Variants in TGFBR3L observed in about 807,000 individuals in gnomAD.
The protein encoded by TGFBR3L is transforming growth factor beta receptor 3 like.
A neutral mutation model predicts 20.4 loss-of-function variants in TGFBR3L; 21 were observed. The ratio of observed to expected loss-of-function variants is 1.03; its 90% CI spans 0.73 to 1.48. TGFBR3L has a LOEUF of 1.48. Among genes scored for constraint, TGFBR3L ranks in the 40% most tolerant of loss-of-function variants. The pLI, the probability that TGFBR3L is intolerant of heterozygous loss-of-function variation, is 0.00. For missense variants in TGFBR3L, 479 were observed against 498.0 expected (o/e 0.96, Z 0.36); for synonymous variants, 245 against 244.2 (o/e 1.00, Z -0.03).
rs1157800969 is a variant in TGFBR3L, at chr19:7,916,133, G to C, written c.-135G>C. 3.5e-6 allele frequency: 5 copies of C among 1,430,414 alleles called. No individual in the cohort carries two copies. The African/African-American group carries it at 7.2e-5, about 21-fold the overall frequency. The allele number at this position is 1,430,414 out of a possible 1,614,324, so 88.6% of individuals were successfully genotyped here. A position where few individuals can be genotyped will look rare whatever the true frequency, so the allele number is the denominator to read the frequency against. ...CTCACCGCTTCTCTTCCGCCCCAGGGAGGGCTTCGCCAGCTTCGGAGGCTT... is the reference window on the plus strand; with the variant it reads ...CTCACCGCTTCTCTTCCGCCCCAGGCAGGGCTTCGCCAGCTTCGGAGGCTT... On this transcript the variant is annotated 5_prime_UTR_variant, in exon 1 of 6. Transcript: ENST00000565886.
At chr19:7,918,166 A>C in intron 5 of TGFBR3L, 37 bp downstream of exon 6, 1 of 1,525,078 alleles carries the variant, frequency 6.6e-7, no homozygotes, top group Non-Finnish European at 8.8e-7. Context: ...GTGAGGTAGG[A>C]GATCTGACAG....
chr19:7,917,504 C>G lies in TGFBR3L; in HGVS notation c.629C>G (p.Thr210Ser). 1.3e-6 allele frequency: 2 copies of G among 1,526,240 alleles called. No individual in the cohort carries two copies. Among genetic ancestry groups the G allele is most frequent in the South Asian group, 2.4e-5 (2 of 83,294 alleles). The allele number at this position is 1,526,240 out of a possible 1,614,324, so 94.5% of individuals were successfully genotyped here. A position where few individuals can be genotyped will look rare whatever the true frequency, so the allele number is the denominator to read the frequency against. ...CCTCAGGACGAGGCGTGCGCCGACA[C>G]TGGCAGTGGCAGCGCCGAGGGCCTG... is the stretch of plus-strand genomic sequence containing the variant. The change falls in exon 3 of 6, where the codon ACT becomes AGT. Residue 210 changes from threonine to serine, a missense_variant. By Grantham distance (58) the Thr-to-Ser change is moderately conservative. Coordinates refer to ENST00000565886, the MANE Select transcript of TGFBR3L (RefSeq NM_001195259.2).
rs1983234294 is a variant in TGFBR3L, at chr19:7,915,363, C to T, written c.-905C>T. Among the ~76,000 whole-genome samples, 1 of 152,164 alleles carries T rather than the reference C, an allele frequency of 6.6e-6. No individual in the cohort carries two copies. Among genetic ancestry groups the T allele is most frequent in the Admixed American group, 6.5e-5 (1 of 15,282 alleles). On this transcript the variant is annotated 5_prime_UTR_variant, in exon 1 of 6. Transcript: ENST00000565886. ...GGGAGTGGGGTGGGGTCTCTGTCCC[C>T]CATCCCAAGGGTGGCTCACATCCCC...
At position 7,914,865 on chromosome 19, in the gene TGFBR3L, C is replaced by T. The variant is rs1473944463; in HGVS notation, c.-1403C>T. Among the ~76,000 whole-genome samples, 2 of 152,214 alleles carry T rather than the reference C, an allele frequency of 1.3e-5. No homozygotes were observed. Among genetic ancestry groups the T allele is most frequent in the Non-Finnish European group, 2.9e-5 (2 of 68,034 alleles). On this transcript the variant is annotated 5_prime_UTR_variant, in exon 1 of 6. Coordinates refer to ENST00000565886, the MANE Select transcript of TGFBR3L (RefSeq NM_001195259.2). ...ACCTCAGCTGGTCCAGCATGCTGGG[C>T]ACCGTGCTGCTGCTGGCCCTGCTCC...
rs1401491950 is a variant in TGFBR3L at position 7,916,152 on chromosome 19, G to A, written c.-116G>A. 1 of 1,437,326 alleles carries A rather than the reference G, an allele frequency of 7.0e-7. No homozygotes were observed. The highest frequency in any genetic ancestry group is 1.4e-5 in the African/African-American group (1 of 69,478). 89.0% of individuals were successfully genotyped at this position (1,437,326 alleles called of 1,614,324 possible). A position where few individuals can be genotyped will look rare whatever the true frequency, so the allele number is the denominator to read the frequency against. On this transcript the variant is annotated 5_prime_UTR_variant, in exon 1 of 6. Transcript: ENST00000565886. ...CCCAGGGAGGGCTTCGCCAGCTTCG[G>A]AGGCTTCTCTAGGGGCGCATGGCTC...
Position 7,916,857 on chromosome 19 carries a change from GC to G in TGFBR3L, c.514del (p.Gln172SerfsTer2). The stretch of plus-strand genomic sequence containing the variant: ...AACGCCTCGGTGCAGTTCCTGCACT[GC>G]CAGCTGAGCCGCTGCCGCCGCCTCC... On this transcript the variant is annotated frameshift_variant, in exon 2 of 6. Transcript: ENST00000565886. LOFTEE classifies it high-confidence loss of function. The G allele has an allele frequency of 7.2e-7, 1 of 1,396,984 alleles. No homozygotes were observed. Among genetic ancestry groups the G allele is most frequent in the Non-Finnish European group, 9.3e-7 (1 of 1,074,900 alleles). The allele number at this position is 1,396,984 out of a possible 1,614,324, so 86.5% of individuals were successfully genotyped here.
In TGFBR3L at chr19:7,916,401, C is replaced by T; in HGVS notation, c.134C>T (p.Pro45Leu). ...TCCTTTGGGCCGCCCTTCCCCGCCC[C>T]GCCAGCTCCCCCGTTCCCCGCGGCG... is the stretch of plus-strand genomic sequence containing the variant. The change falls in exon 1 of 6, where the codon CCG becomes CTG. Residue 45 changes from proline (P) to leucine (L), a missense_variant. Physicochemically the swap from Pro to Leu is moderately conservative, Grantham distance 98. Coordinates refer to ENST00000565886, the MANE Select transcript of TGFBR3L (RefSeq NM_001195259.2). 1 of 1,535,222 alleles carries T rather than the reference C, an allele frequency of 6.5e-7. No individual in the cohort carries two copies. Among genetic ancestry groups the T allele is most frequent in the South Asian group, 1.2e-5 (1 of 84,024 alleles).
Position 7,918,084 on chromosome 19 carries a change from G to C in TGFBR3L, c.911G>C (p.Arg304Thr). 1.3e-6 allele frequency: 2 copies of C among 1,535,814 alleles called. No individual in the cohort carries two copies. Among genetic ancestry groups the C allele is most frequent in the African/African-American group, 1.4e-5 (1 of 73,174 alleles). Residue 304 changes from arginine to threonine, a missense_variant, in exon 5 of 6, where the codon AGA (arginine) becomes ACA (threonine). Transcript: ENST00000565886. ...CCCCACGCCCCTGGCCCGCCCGCGA[G>C]AGCCTCGCCCAGCGGTCCCCAGCCC...
chr19:7,917,014 T>G, intron 2 of TGFBR3L, 72 bp downstream of exon 3: 1 of 1,245,986 alleles, frequency 8.0e-7, no homozygotes, highest in Non-Finnish European at 1.0e-6. Context: ...ACTCTGGCAG[T>G]GGAAAGAGGA....
Position 7,917,691 on chromosome 19 carries a change from C to T in TGFBR3L, c.725-10C>T. The T allele has an allele frequency of 4.2e-6, 6 of 1,422,444 alleles. No individual in the cohort carries two copies. Among genetic ancestry groups the T allele is most frequent in the Non-Finnish European group, 5.5e-6 (6 of 1,094,214 alleles). The allele number at this position is 1,422,444 out of a possible 1,614,324, so 88.1% of individuals were successfully genotyped here. On this transcript the variant is annotated splice_polypyrimidine_tract_variant and intron_variant, in intron 3 of 5. Transcript: ENST00000565886. ...AGCTGGACCCAGTCTCAGCGTGGCACTTCCCACAGGGCCGCCCAAGAGTGT... is the reference window on the plus strand; with the variant it reads ...AGCTGGACCCAGTCTCAGCGTGGCATTTCCCACAGGGCCGCCCAAGAGTGT...
Position 7,916,068 on chromosome 19 carries a change from G to A in TGFBR3L, c.-200G>A. 5 of 1,058,496 alleles carry A rather than the reference G, an allele frequency of 4.7e-6. No homozygotes were observed. The highest frequency in any genetic ancestry group is 6.6e-6 in the Non-Finnish European group (5 of 760,140). 65.6% of individuals were successfully genotyped at this position (1,058,496 alleles called of 1,614,324 possible). On this transcript the variant is annotated 5_prime_UTR_variant, in exon 1 of 6. Transcript: ENST00000565886. Reference sequence around the variant, plus strand: ...GAGCAGCCCTGGGGAAGGTGGGGGAGCTCTGACTTCACCCAGCCGGACCCC... The same window carrying A: ...GAGCAGCCCTGGGGAAGGTGGGGGAACTCTGACTTCACCCAGCCGGACCCC...
Position 7,918,936 on chromosome 19 carries a change from T to C in TGFBR3L, c.*25T>C, listed in dbSNP as rs1983451727. 1 of 398,378 alleles carries C rather than the reference T, an allele frequency of 2.5e-6. No homozygotes were observed. Among genetic ancestry groups the C allele is most frequent in the Non-Finnish European group, 4.4e-6 (1 of 226,066 alleles). The allele number at this position is 398,378 out of a possible 1,614,324, so 24.7% of individuals were successfully genotyped here. On this transcript the variant is annotated 3_prime_UTR_variant, in exon 6 of 6. Transcript: ENST00000565886. ...TCCCAGGGATGGTGCGCCCCCAACATGGTCCGGAGATACACCCAGCTACCA... is the reference window on the plus strand; with the variant it reads ...TCCCAGGGATGGTGCGCCCCCAACACGGTCCGGAGATACACCCAGCTACCA...
At chr19:7,917,002 CG>C in intron 2 of TGFBR3L, 60 bp downstream of exon 3, 1 of 1,255,290 alleles carries the variant, frequency 8.0e-7, no homozygotes, top group Non-Finnish European at 1.0e-6. Flanking sequence ...TGGGCACGGG[CG>C]ACTCTGGCAG....
Position 7,917,566 on chromosome 19 carries a change from C to G in TGFBR3L, c.691C>G (p.Pro231Ala). 1 of 1,507,166 alleles carries G rather than the reference C, an allele frequency of 6.6e-7. No homozygotes were observed. Among genetic ancestry groups the G allele is most frequent in the Non-Finnish European group, 8.8e-7 (1 of 1,132,452 alleles). 93.4% of individuals were successfully genotyped at this position (1,507,166 alleles called of 1,614,324 possible). The change falls in exon 3 of 6, where the codon CCT (proline) becomes GCT (alanine). Residue 231 changes from proline (P) to alanine (A), a missense_variant. By Grantham distance (27) the Pro-to-Ala change is conservative. Coordinates refer to ENST00000565886, the MANE Select transcript of TGFBR3L (RefSeq NM_001195259.2). The stretch of plus-strand genomic sequence containing the variant: ...CCCCCACCTGCACACGCTGACGCAG[C>G]CTATCGTGGTCACCGTGCCGCGGCC...
At chr19:7,916,590 G>A in intron 1 of TGFBR3L, 32 bp from the exon 3 acceptor site, 2 of 1,433,072 alleles carry the variant, frequency 1.4e-6, no homozygotes, top group Non-Finnish European at 1.8e-6. Context: ...CGGTGGGGAC[G>A]GGCGATCCCT....
rs1321411341 is a variant in TGFBR3L at position 7,916,952 on chromosome 19, C to A, written c.597+10C>A. 2 of 1,280,974 alleles carry A rather than the reference C, an allele frequency of 1.6e-6. No individual in the cohort carries two copies. Among genetic ancestry groups the A allele is most frequent in the African/African-American group, 1.6e-5 (1 of 64,198 alleles). The allele number at this position is 1,280,974 out of a possible 1,614,324, so 79.4% of individuals were successfully genotyped here. On this transcript the variant is annotated intron_variant, in intron 2 of 5. Transcript: ENST00000565886. ...GCCGCCGCCATCGCGGGTGCGCGGG[C>A]GCAGAGCCTGGAATCCGGGCGCTGG...
At position 7,916,516 on chromosome 19, in the gene TGFBR3L, C is replaced by A. The variant is rs1037327585; in HGVS notation, c.249C>A (p.Val83=). Residue 83 remains valine, a synonymous_variant, in exon 1 of 6, where the codon GTC becomes GTA. Transcript: ENST00000565886. Reference sequence around the variant, plus strand: ...CTCGCCGCGCGGGGCCGCTCGAGGTCCCGGCCGACAGCCGCGTGTTCGTGC... The same window carrying A: ...CTCGCCGCGCGGGGCCGCTCGAGGTACCGGCCGACAGCCGCGTGTTCGTGC... The A allele has an allele frequency of 6.6e-7, 1 of 1,511,560 alleles. No individual in the cohort carries two copies. The highest frequency in any genetic ancestry group is 1.2e-5 in the South Asian group (1 of 81,612). The allele number at this position is 1,511,560 out of a possible 1,614,324, so 93.6% of individuals were successfully genotyped here. A position where few individuals can be genotyped will look rare whatever the true frequency, so the allele number is the denominator to read the frequency against.
intron 5 of TGFBR3L, 91 bp downstream of exon 6, chr19:7,918,220 T>G (rs1983407209): frequency 5.4e-6 from 4 of 735,334 alleles, no homozygotes; most frequent in Non-Finnish European, 7.9e-6. Context: ...CTGTGGTTTT[T>G]TTGTTTGTTT....
At position 7,917,514 on chromosome 19, in the gene TGFBR3L, C is replaced by G; in HGVS notation, c.639C>G (p.Gly213=). The G allele has an allele frequency of 6.6e-7, 1 of 1,525,356 alleles. No homozygotes were observed. The highest frequency in any genetic ancestry group is 1.2e-5 in the South Asian group (1 of 83,192). 94.5% of individuals were successfully genotyped at this position (1,525,356 alleles called of 1,614,324 possible). The change falls in exon 3 of 6, where the codon GGC becomes GGG. Residue 213 remains glycine, a synonymous_variant. Coordinates refer to ENST00000565886, the MANE Select transcript of TGFBR3L (RefSeq NM_001195259.2). ...AGGCGTGCGCCGACACTGGCAGTGG[C>G]AGCGCCGAGGGCCTGGCTGCTGACG...
Sources: allele counts gnomAD v4.1 joint callset (sites outside exome capture counted in the v4.1 genomes callset), GRCh38; gene constraint gnomAD v4.1.1; transcripts MANE v1.5; gene names NCBI Gene and HGNC (gene_info 2026-07-23, HGNC 2026-07-21).